DOCK1: variants seen among roughly 807,000 people sequenced by gnomAD.
DOCK1 encodes the protein dedicator of cytokinesis protein 1.
A neutral mutation model predicts 262.7 loss-of-function variants in DOCK1; 138 were observed. That is an observed-to-expected ratio of 0.53 (90% confidence interval 0.46 to 0.61). DOCK1 has a LOEUF of 0.61. DOCK1 is among the 20% of genes least tolerant of loss of function. DOCK1 has a pLI of 0.00. For synonymous variants in DOCK1, 866 were observed against 867.4 expected (o/e 1.00, Z 0.03); for missense variants, 1,908 against 2,370.7 (o/e 0.80, Z 4.05).
At position 127,226,850 on chromosome 10, in the gene DOCK1, G is replaced by A. The variant is rs529523311; in HGVS notation, c.2848-21158G>A. On this transcript the variant is annotated intron_variant, in intron 27 of 51. Coordinates refer to ENST00000623213, the MANE Select transcript of DOCK1 (RefSeq NM_001290223.2). ...CTTCTACCTGGACTGCCTTTCTCCC[G>A]CTCCCATCCCCACCTTCACCTGGGA... Among the ~76,000 whole-genome samples, 7 of 152,084 alleles carry A rather than the reference G, an allele frequency of 4.6e-5. No individual in the cohort carries two copies. In the South Asian group the frequency reaches 1.0e-3, roughly 23 times the overall value.
intron 23 of DOCK1, among the ~76,000 whole-genome samples, chr10:127,102,105 G>A (rs144712423): frequency 3.9e-5 from 6 of 152,272 alleles, no homozygotes; most frequent in East Asian, 1.9e-4. Flanking sequence ...AGCATGGATC[G>A]TTCTGGAGTG....
chr10:127,090,239 G>A (rs759446204), intron 23 of DOCK1, among the ~76,000 whole-genome samples: 7 of 152,158 alleles, frequency 4.6e-5, no homozygotes, highest in Non-Finnish European at 1.0e-4. Context: ...ACCAGGCAGT[G>A]GCACCGGAAC....
intron 1 of DOCK1, among the ~76,000 whole-genome samples, chr10:126,906,407 G>C (rs1336884453): frequency 6.6e-6 from 1 of 152,202 alleles, no homozygotes; most frequent in East Asian, 1.9e-4. Flanking sequence ...GCCTGCGGAC[G>C]CCCACCTCTT....
chr10:127,044,536 C>T lies in DOCK1; in HGVS notation c.2201+1372C>T, dbSNP rs559537794. 4.6e-5 allele frequency among the ~76,000 whole-genome samples: 7 copies of T among 152,308 alleles called. No individual in the cohort carries two copies. In the East Asian group the frequency reaches 1.2e-3, roughly 25 times the overall value. On this transcript the variant is annotated intron_variant, in intron 21 of 51. Transcript: ENST00000623213. ...GCATTGCAGGGCACTTTTCCTGGCT[C>T]TTGTGACCAAAACAGGAGCTTGTGG...
intron 29 of DOCK1, among the ~76,000 whole-genome samples, chr10:127,259,666 C>T (rs2059948648): frequency 6.6e-6 from 1 of 152,156 alleles, no homozygotes; most frequent in Admixed American, 6.5e-5. Context: ...ATTCCGTGGC[C>T]CTGGGTGAGC....
intron 32 of DOCK1, among the ~76,000 whole-genome samples, chr10:127,361,435 C>T (rs2133923893): frequency 6.6e-6 from 1 of 152,280 alleles, no homozygotes; most frequent in Non-Finnish European, 1.5e-5. Flanking sequence ...TTTAAATAAG[C>T]ATTTTCCTAT....
At chr10:127,119,057 T>TC (rs1345580328) in intron 25 of DOCK1, among the ~76,000 whole-genome samples, 1 of 151,906 alleles carries the variant, frequency 6.6e-6, no homozygotes, top group East Asian at 1.9e-4. Flanking sequence ...GGCTTTTTTT[T>TC]TTTTGAGACG....
chr10:127,182,820 G>T (rs1225085353), intron 27 of DOCK1, among the ~76,000 whole-genome samples: 1 of 151,988 alleles, frequency 6.6e-6, no homozygotes, highest in Non-Finnish European at 1.5e-5. Flanking sequence ...AGACAGGAGG[G>T]CTGTGCTTTG....
rs758803213 is a variant in DOCK1 at position 127,110,216 on chromosome 10, C to T, written c.2517-32C>T. ...CATTGGATCCTTTTGCTATGTGTCT[C>T]AAAATTATTTCCCTTGTGTTTTTCC... On this transcript the variant is annotated intron_variant, in intron 24 of 51. Coordinates refer to ENST00000623213, the MANE Select transcript of DOCK1 (RefSeq NM_001290223.2). 13 of 1,571,404 alleles carry T rather than the reference C, an allele frequency of 8.3e-6. No homozygotes were observed. The South Asian group carries it at 1.5e-4, about 18-fold the overall frequency.
intron 27 of DOCK1, among the ~76,000 whole-genome samples, chr10:127,138,845 T>C (rs2050946687): frequency 6.6e-6 from 1 of 152,240 alleles, no homozygotes; most frequent in East Asian, 1.9e-4. Flanking sequence ...AAAATTGCTG[T>C]CAACTTGTCT....
At chr10:127,323,423 C>CA (rs1385348164) in intron 29 of DOCK1, among the ~76,000 whole-genome samples, 1 of 152,136 alleles carries the variant, frequency 6.6e-6, no homozygotes, top group Non-Finnish European at 1.5e-5. Context: ...TTCCTTTCAG[C>CA]CAATTGTGCT....
At chr10:127,190,258 T>C (rs2056621354) in intron 27 of DOCK1, among the ~76,000 whole-genome samples, 2 of 152,198 alleles carry the variant, frequency 1.3e-5, no homozygotes, top group Non-Finnish European at 1.5e-5. Context: ...GCTTTTTTCT[T>C]TTCTAAACAC....
chr10:127,338,784 G>GTTATA (rs550710822), intron 29 of DOCK1, among the ~76,000 whole-genome samples: 3 of 151,762 alleles, frequency 2.0e-5, no homozygotes, highest in African/African-American at 7.3e-5. Flanking sequence ...TGTTATTTTG[G>GTTATA]TCTGTTTCTT....
chr10:127,026,710 A>G (rs1211849290), intron 16 of DOCK1, among the ~76,000 whole-genome samples: 3 of 152,124 alleles, frequency 2.0e-5, no homozygotes, highest in Admixed American at 6.5e-5. Context: ...CATGCCATCC[A>G]TCAGAAAAGT....
chr10:127,185,445 G>A (rs1163838391), intron 27 of DOCK1, among the ~76,000 whole-genome samples: 3 of 152,152 alleles, frequency 2.0e-5, no homozygotes, highest in Non-Finnish European at 4.4e-5. Flanking sequence ...AGAATCGCTT[G>A]AACCAGGGAG....
At chr10:127,326,115 C>T (rs556436728) in intron 29 of DOCK1, among the ~76,000 whole-genome samples, 2 of 152,294 alleles carry the variant, frequency 1.3e-5, no homozygotes, top group African/African-American at 2.4e-5. Flanking sequence ...GAGAGTCTTG[C>T]GTCAATGTTG....
chr10:127,361,422 T>G (rs2064440341), intron 32 of DOCK1, among the ~76,000 whole-genome samples: 1 of 152,112 alleles, frequency 6.6e-6, no homozygotes, highest in Non-Finnish European at 1.5e-5. Flanking sequence ...CCTAAAGTAG[T>G]TATTTAAATA....
intron 35 of DOCK1, among the ~76,000 whole-genome samples, chr10:127,374,481 G>A (rs765398846): frequency 2.0e-5 from 3 of 152,148 alleles, no homozygotes; most frequent in Non-Finnish European, 4.4e-5. Flanking sequence ...TTGCAGCCAG[G>A]GTAGTGCCTC....
chr10:127,153,794 G>C, intron 27 of DOCK1: 1 of 1,343,268 alleles, frequency 7.4e-7, no homozygotes, highest in East Asian at 2.3e-5. Context: ...TGCATTTGTG[G>C]GTAAACATCA....
Sources: allele counts gnomAD v4.1 joint callset (sites outside exome capture counted in the v4.1 genomes callset), GRCh38; gene constraint gnomAD v4.1.1; transcripts MANE v1.5; gene names NCBI Gene and HGNC (gene_info 2026-07-23, HGNC 2026-07-21).